ADAMTS7: variants seen among roughly 807,000 people sequenced by gnomAD.
The protein encoded by ADAMTS7 is ADAM metallopeptidase with thrombospondin type 1 motif 7, also known as A disintegrin and metalloproteinase with thrombospondin motifs 7.
ADAMTS7 carries 89 observed loss-of-function variants against 172.6 expected under a neutral mutation model. The observed-to-expected ratio is 0.52, with a 90% CI of 0.43 to 0.61. ADAMTS7 has a LOEUF of 0.61. Ranked by LOEUF, ADAMTS7 falls within the 20% of genes least tolerant of loss-of-function variation. The pLI is 0.00. For missense variants in ADAMTS7, 1,973 were observed against 2,355.6 expected, an observed-to-expected ratio of 0.84 and a Z score of 3.36; for synonymous variants, 885 against 978.4, an observed-to-expected ratio of 0.90 and a Z score of 1.78.
At chr15:78,781,760 T>C (rs2055431851) in intron 8 of ADAMTS7, among the ~76,000 whole-genome samples, 1 of 152,190 alleles carries the variant, frequency 6.6e-6, no homozygotes, top group Admixed American at 6.5e-5. Context: ...TGCCTCTCTC[T>C]GGGGAAGGAG....
At chr15:78,786,447 A>T (rs1248836024) in intron 8 of ADAMTS7, among the ~76,000 whole-genome samples, 1 of 152,222 alleles carries the variant, frequency 6.6e-6, no homozygotes, top group Non-Finnish European at 1.5e-5. Flanking sequence ...GGGACAGGAG[A>T]GCACTGACAG....
chr15:78,761,478 GA>G (rs1048573450), intron 23 of ADAMTS7, among the ~76,000 whole-genome samples: 5 of 152,174 alleles, frequency 3.3e-5, no homozygotes, highest in African/African-American at 1.2e-4. Flanking sequence ...TGGGGGAGGG[GA>G]AAAAGCCACC....
intron 1 of ADAMTS7, among the ~76,000 whole-genome samples, chr15:78,808,139 A>AGCCACTGCACCCCGCCAGC (rs2055820237): frequency 6.6e-6 from 1 of 152,150 alleles, no homozygotes; most frequent in African/African-American, 2.4e-5. Flanking sequence ...TACAGGTGTG[A>AGCCACTGCACCCCGCCAGC]ATCACTGTGT....
intron 11 of ADAMTS7, among the ~76,000 whole-genome samples, chr15:78,775,884 C>T (rs2055335707): frequency 6.6e-6 from 1 of 152,246 alleles, no homozygotes; most frequent in African/African-American, 2.4e-5. Flanking sequence ...GGCCCATGCT[C>T]TTCCCCACTG....
chr15:78,790,843 G>A (rs1204193266), intron 5 of ADAMTS7, 49 bp from the exon 6 acceptor site: 2 of 1,607,028 alleles, frequency 1.2e-6, no homozygotes, highest in Non-Finnish European at 8.5e-7. Context: ...GTTCCAAGAA[G>A]GTCAGGCCCA....
At chr15:78,796,460 C>T (rs995876251) in intron 4 of ADAMTS7, 130 bp downstream of exon 4, 7 of 1,055,498 alleles carry the variant, frequency 6.6e-6, no homozygotes, top group African/African-American at 6.3e-5. Flanking sequence ...CTTGGATACC[C>T]TTCTTCCTAC....
intron 20 of ADAMTS7, 125 bp downstream of exon 20, chr15:78,764,430 T>A (rs1251067420): frequency 3.2e-6 from 4 of 1,266,922 alleles, no homozygotes; most frequent in Non-Finnish European, 4.2e-6. Flanking sequence ...TCCGGTGTGA[T>A]CGGGCACACA....
chr15:78,810,322 C>G (rs1464719636), intron 1 of ADAMTS7, among the ~76,000 whole-genome samples: 1 of 152,272 alleles, frequency 6.6e-6, no homozygotes, highest in Non-Finnish European at 1.5e-5. Context: ...TGGGAGCTCC[C>G]TGAGCACCGG....
chr15:78,786,949 C>T (rs1223168386), intron 8 of ADAMTS7, among the ~76,000 whole-genome samples: 7 of 152,268 alleles, frequency 4.6e-5, no homozygotes, highest in African/African-American at 1.7e-4. Flanking sequence ...TGAGGATCCT[C>T]TTCCACTTAA....
intron 8 of ADAMTS7, among the ~76,000 whole-genome samples, chr15:78,778,052 G>A (rs983020008): frequency 6.6e-5 from 10 of 152,218 alleles, no homozygotes; most frequent in South Asian, 2.1e-4. Context: ...GTGGAAAGGC[G>A]AGGTCTGGAA....
chr15:78,764,299 C>G (rs2055103036), intron 20 of ADAMTS7, among the ~76,000 whole-genome samples, 200 bp from the exon 21 acceptor site: 1 of 152,198 alleles, frequency 6.6e-6, no homozygotes, highest in Non-Finnish European at 1.5e-5. Flanking sequence ...CTGGGACAGA[C>G]AGAGAAAGGG....
At chr15:78,760,184 A>G (rs80126792) in intron 23 of ADAMTS7, among the ~76,000 whole-genome samples, 4,653 of 150,952 alleles carry the variant, frequency 0.031, 235 homozygotes, top group Admixed American at 0.12. Flanking sequence ...CGGAAACCAG[A>G]GACTGAGCCC....
At position 78,767,049 on chromosome 15, in the gene ADAMTS7, G is replaced by A; in HGVS notation, c.2862C>T (p.Cys954=). ...GAGTGCCCTCCCCACATGTCACTGA[G>A]CACTGCAGGGGAAGCCAGGGTGAGG... ...ATWAVGNWSQ[C]SVTCGEGTQR... The change falls in exon 19 of 24, where the codon TGC becomes TGT. Residue 954 remains cysteine (C), a splice_region_variant and synonymous_variant. Transcript: ENST00000388820. 2 of 1,546,054 alleles carry A rather than the reference G, an allele frequency of 1.3e-6. No homozygotes were observed. The highest frequency in any genetic ancestry group is 2.3e-5 in the East Asian group (1 of 44,368).
At chr15:78,799,284 C>T (rs973584101) in intron 2 of ADAMTS7, among the ~76,000 whole-genome samples, 10 of 136,794 alleles carry the variant, frequency 7.3e-5, no homozygotes, top group Non-Finnish European at 1.5e-4. Context: ...GCACACATCC[C>T]CTACTCCTCC....
rs1293457970 is a variant in ADAMTS7, at chr15:78,762,062, G to A, written c.4903+341C>T. The stretch of plus-strand genomic sequence containing the variant: ...TTCACACAGCCTCAGGGACATCCCT[G>A]GTCTCACTGTGGGAAGACTGAGACC... On this transcript the variant is annotated intron_variant, in intron 23 of 23. Transcript: ENST00000388820. 4.1e-6 allele frequency: 4 copies of A among 985,230 alleles called. No homozygotes were observed. In the African/African-American group the frequency reaches 7.0e-5, roughly 17 times the overall value. 61.0% of individuals were successfully genotyped at this position (985,230 alleles called of 1,614,324 possible).
chr15:78,776,690 T>G, intron 10 of ADAMTS7, 59 bp downstream of exon 10: 1 of 1,472,670 alleles, frequency 6.8e-7, no homozygotes, highest in Non-Finnish European at 9.3e-7. Context: ...CAGGGCCTGG[T>G]CACAGCAGGA....
chr15:78,779,290 C>A (rs2055397187), intron 8 of ADAMTS7, among the ~76,000 whole-genome samples: 1 of 152,198 alleles, frequency 6.6e-6, no homozygotes, highest in South Asian at 2.1e-4. Flanking sequence ...GGGGCATACC[C>A]TCTCATTTGC....
chr15:78,796,798 G>A lies in ADAMTS7; in HGVS notation c.623-12C>T, dbSNP rs921828735. Reference sequence around the variant, plus strand: ...CAGCTCTGGGTACACTGGAGGCCCAGATGGGGTGGAGTTAGCTGCCAGTGG... The same window carrying A: ...CAGCTCTGGGTACACTGGAGGCCCAAATGGGGTGGAGTTAGCTGCCAGTGG... On this transcript the variant is annotated splice_polypyrimidine_tract_variant and intron_variant, in intron 3 of 23. Coordinates refer to ENST00000388820, the MANE Select transcript of ADAMTS7 (RefSeq NM_014272.5). 5.0e-6 allele frequency: 8 copies of A among 1,601,166 alleles called. No homozygotes were observed. The highest frequency in any genetic ancestry group is 6.8e-6 in the Non-Finnish European group (8 of 1,176,486).
At chr15:78,760,850 C>A (rs1371901726) in intron 23 of ADAMTS7, among the ~76,000 whole-genome samples, 6 of 152,068 alleles carry the variant, frequency 3.9e-5, no homozygotes, top group African/African-American at 1.4e-4. Flanking sequence ...CCACTCCCTG[C>A]AGCCCACTCA....
Sources: gnomAD v4.1 joint callset for allele counts (sites outside exome capture counted in the v4.1 genomes callset) on GRCh38, gnomAD v4.1.1 for gene constraint, MANE v1.5 for transcripts, NCBI Gene and HGNC (gene_info 2026-07-23, HGNC 2026-07-21) for gene names.